Variants in PIGN observed in about 807,000 individuals in gnomAD.
The protein encoded by PIGN is phosphatidylinositol glycan anchor biosynthesis class N.
Under a neutral mutation model 125.4 loss-of-function variants are expected in PIGN, and 117 were observed. That is an observed-to-expected ratio of 0.93 (90% confidence interval 0.80 to 1.09). The LOEUF (loss-of-function observed/expected upper bound fraction) is 1.09. Among genes scored for constraint, PIGN ranks in the 50% least tolerant of loss-of-function variants. The probability of loss-of-function intolerance (pLI) is 0.00; values close to 1 mark genes in which losing one functional copy is unlikely to be tolerated. For missense variants in PIGN, 1,075 were observed against 1,094.9 expected (o/e 0.98, Z 0.26); for synonymous variants, 392 against 377.8 (o/e 1.04, Z -0.44).
chr18:62,073,523 G>C (rs953842690), intron 29 of PIGN, among the ~76,000 whole-genome samples: 10 of 152,158 alleles, frequency 6.6e-5, no homozygotes, highest in Non-Finnish European at 5.9e-5. Context: ...GGCTGTTCAA[G>C]TCAATTTATG....
At chr18:62,158,262 A>C (rs911755038) in intron 4 of PIGN, among the ~76,000 whole-genome samples, 8 of 152,192 alleles carry the variant, frequency 5.3e-5, no homozygotes, top group Non-Finnish European at 8.8e-5. Context: ...CTAGATGGAC[A>C]TACATGGGTA....
At chr18:62,099,950 C>CA (rs1404870899) in intron 22 of PIGN, among the ~76,000 whole-genome samples, 1 of 151,968 alleles carries the variant, frequency 6.6e-6, no homozygotes, top group Non-Finnish European at 1.5e-5. Flanking sequence ...GCAACAAAAG[C>CA]AAAAGTAGAC....
At chr18:62,036,707 G>A (rs1007665928), downstream of PIGN, among the ~76,000 whole-genome samples, 2 of 152,144 alleles carry the variant, frequency 1.3e-5, no homozygotes, top group African/African-American at 4.8e-5. Context: ...TTAGGACATT[G>A]CATTTCAGGA....
chr18:62,161,122 T>G lies in PIGN; in HGVS notation c.221+11A>C. On this transcript the variant is annotated intron_variant, in intron 4 of 30. Coordinates refer to ENST00000640252, the MANE Select transcript of PIGN (RefSeq NM_176787.5). ...TTTAAGAGATGTCTCTGTATCAGTT[T>G]ACATGCTTACCTAATAAACGGTGCT... The G allele has an allele frequency of 6.4e-7, 1 of 1,558,472 alleles. No individual in the cohort carries two copies. Among genetic ancestry groups the G allele is most frequent in the Non-Finnish European group, 8.8e-7 (1 of 1,131,320 alleles).
chr18:62,034,000 G>A (rs1249443446), intron 23 of PIGN, among the ~76,000 whole-genome samples: 2 of 152,184 alleles, frequency 1.3e-5, no homozygotes, highest in African/African-American at 2.4e-5. Context: ...ATAAGAAGCA[G>A]AGCCCAGATG....
At chr18:62,120,203 TG>T (rs1237770164) in intron 14 of PIGN, among the ~76,000 whole-genome samples, 1 of 145,376 alleles carries the variant, frequency 6.9e-6, no homozygotes, top group Non-Finnish European at 1.6e-5. Context: ...TAAAAGCAGC[TG>T]GGGGAAGGGG....
chr18:62,114,865 A>G (rs548659826), intron 14 of PIGN, among the ~76,000 whole-genome samples: 10 of 152,330 alleles, frequency 6.6e-5, no homozygotes, highest in African/African-American at 2.4e-4. Flanking sequence ...GCCAAACTAC[A>G]CTTATGAAAG....
intron 17 of PIGN, among the ~76,000 whole-genome samples, chr18:62,108,385 AT>A (rs1351821596): frequency 6.6e-6 from 1 of 152,048 alleles, no homozygotes; most frequent in African/African-American, 2.4e-5. Context: ...ACTAGATACA[AT>A]TTTCTGCAAA....
intron 30 of PIGN, among the ~76,000 whole-genome samples, chr18:62,050,358 T>C (rs2031169796): frequency 6.6e-6 from 1 of 152,084 alleles, no homozygotes; most frequent in African/African-American, 2.4e-5. Flanking sequence ...CATTTGTTTG[T>C]ATCCTCTTTT....
chr18:62,090,044 A>G (rs2033884897), intron 24 of PIGN, among the ~76,000 whole-genome samples: 1 of 152,210 alleles, frequency 6.6e-6, no homozygotes, highest in Admixed American at 6.5e-5. Flanking sequence ...GGATGACCAG[A>G]AAGTGAAAAA....
At chr18:62,172,447 A>C (rs530744294) in intron 1 of PIGN, among the ~76,000 whole-genome samples, 1 of 152,236 alleles carries the variant, frequency 6.6e-6, no homozygotes, top group East Asian at 1.9e-4. Flanking sequence ...ACTTTGATTT[A>C]AACACCTCCT....
rs11659731 is a variant in PIGN at position 62,154,716 on chromosome 18, G to A, written c.443-65C>T. 0.59 allele frequency: 462,581 copies of A among 787,888 alleles called. 140,080 individuals carry two copies. The highest frequency in any genetic ancestry group is 0.67 in the Admixed American group (34,096 of 50,934). The allele number at this position is 787,888 out of a possible 1,614,324, so 48.8% of individuals were successfully genotyped here. ...TCTTTTAAACTATCATAAAATATGA[G>A]CTAGTCATTCACAGATTTTTGTGAG... On this transcript the variant is annotated intron_variant, in intron 6 of 30. Coordinates refer to ENST00000640252, the MANE Select transcript of PIGN (RefSeq NM_176787.5).
chr18:62,122,027 C>T (rs2035327731), intron 14 of PIGN, among the ~76,000 whole-genome samples: 1 of 151,916 alleles, frequency 6.6e-6, no homozygotes. Flanking sequence ...TGGTGGTTAC[C>T]AGAGGTTAGA....
At chr18:62,088,256 T>A (rs1045638181) in intron 25 of PIGN, 2 of 152,226 alleles carry the variant, frequency 1.3e-5, no homozygotes, top group Non-Finnish European at 2.9e-5. Context: ...AACTAAGACT[T>A]TCCTCTGCCA....
At chr18:62,173,345 C>T (rs1668748691) in intron 1 of PIGN, among the ~76,000 whole-genome samples, 1 of 152,170 alleles carries the variant, frequency 6.6e-6, no homozygotes, top group Non-Finnish European at 1.5e-5. Context: ...ATCCTCCCAC[C>T]TCAGCCTCCC....
rs529025563 is a variant in PIGN at position 62,106,676 on chromosome 18, T to C, written c.1767+113A>G. 4.1e-5 allele frequency: 28 copies of C among 687,390 alleles called. 1 individual carries two copies. In the South Asian group the frequency reaches 5.5e-4, roughly 13 times the overall value. 42.6% of individuals were successfully genotyped at this position (687,390 alleles called of 1,614,324 possible). On this transcript the variant is annotated intron_variant, in intron 19 of 30. Coordinates refer to ENST00000640252, the MANE Select transcript of PIGN (RefSeq NM_176787.5). ...TCCTATCAATATGACTAGGCTCTTTTATGTAAGAACACATTCTACCCTTTT... is the reference window on the plus strand; with the variant it reads ...TCCTATCAATATGACTAGGCTCTTTCATGTAAGAACACATTCTACCCTTTT...
chr18:62,102,769 A>T (rs2034493219), intron 21 of PIGN, 25 bp downstream of exon 21: 1 of 1,042,354 alleles, frequency 9.6e-7, no homozygotes. Flanking sequence ...TTAGTATAAC[A>T]TAGTATTGAA....
chr18:62,140,285 C>T, intron 12 of PIGN, 135 bp downstream of exon 12: 1 of 442,202 alleles, frequency 2.3e-6, no homozygotes, highest in Non-Finnish European at 4.1e-6. Flanking sequence ...AGTTCAAGAC[C>T]AGCCTGGGCA....
At chr18:62,114,712 T>A in intron 14 of PIGN, 73 bp from the exon 15 acceptor site, 1 of 658,674 alleles carries the variant, frequency 1.5e-6, no homozygotes, top group Non-Finnish European at 2.3e-6. Context: ...TCCCCTTAAT[T>A]AAAAAACAAA....
Sources: gnomAD v4.1 joint callset for allele counts (sites outside exome capture counted in the v4.1 genomes callset) on GRCh38, gnomAD v4.1.1 for gene constraint, MANE v1.5 for transcripts, NCBI Gene and HGNC (gene_info 2026-07-23, HGNC 2026-07-21) for gene names.